SH3KBP1: variants seen among roughly 807,000 people sequenced by gnomAD.
SH3KBP1 encodes SH3 domain-containing kinase-binding protein 1.
In SH3KBP1, 8 loss-of-function variants were observed where a neutral mutation model predicts 50.1. The observed-to-expected ratio is 0.16, with a 90% CI of 0.09 to 0.29. The LOEUF (loss-of-function observed/expected upper bound fraction) is 0.29. Among genes scored for constraint, SH3KBP1 ranks in the 10% least tolerant of loss-of-function variants. The probability of loss-of-function intolerance (pLI) is 1.00; values close to 1 mark genes in which losing one functional copy is unlikely to be tolerated. For synonymous variants in SH3KBP1, 227 were observed against 218.6 expected, an observed-to-expected ratio of 1.04 and a Z score of -0.34; for missense variants, 377 against 535.2, an observed-to-expected ratio of 0.70 and a Z score of 2.92.
chrX:19,652,475 C>T (rs777327136), intron 6 of SH3KBP1, among the ~76,000 whole-genome samples: 44 of 111,037 alleles, frequency 4.0e-4, no homozygotes, highest in Non-Finnish European at 7.2e-4. Context: ...CCCACGTATG[C>T]GTACACACAC....
chrX:19,560,431 G>C (rs1397747152), intron 13 of SH3KBP1, among the ~76,000 whole-genome samples: 2 of 111,890 alleles, frequency 1.8e-5, no homozygotes, highest in African/African-American at 6.5e-5. Flanking sequence ...GAGAAACATA[G>C]ACTGTGACAC....
chrX:19,733,828 C>T (rs1180054705), intron 3 of SH3KBP1, among the ~76,000 whole-genome samples: 1 of 110,699 alleles, frequency 9.0e-6, no homozygotes, highest in African/African-American at 3.3e-5. Flanking sequence ...TAACAAATGA[C>T]GGAAGAAAAA....
At chrX:19,590,909 G>T (rs112936184) in intron 11 of SH3KBP1, among the ~76,000 whole-genome samples, 2,236 of 88,827 alleles carry the variant, frequency 0.025, 72 homozygotes, top group African/African-American at 0.09. Flanking sequence ...TGATCCTCCC[G>T]CCTCAGCCTC....
intron 12 of SH3KBP1, among the ~76,000 whole-genome samples, chrX:19,580,159 C>A: frequency 9.0e-6 from 1 of 111,476 alleles, no homozygotes; most frequent in Non-Finnish European, 1.9e-5. Context: ...AAAGCCCAAG[C>A]AAGCAGTGGG....
At chrX:19,860,759 G>C (rs1288164523) in intron 1 of SH3KBP1, among the ~76,000 whole-genome samples, 1 of 111,828 alleles carries the variant, frequency 8.9e-6, no homozygotes, top group Non-Finnish European at 1.9e-5. Flanking sequence ...GACTGCAGGA[G>C]ACTAGGAGAA....
intron 2 of SH3KBP1, among the ~76,000 whole-genome samples, chrX:19,830,323 G>C (rs1201318245): frequency 9.5e-6 from 1 of 105,318 alleles, no homozygotes. Context: ...GGTTATAGAG[G>C]TACGCACTTA....
At chrX:19,826,525 T>A (rs191459840) in intron 2 of SH3KBP1, among the ~76,000 whole-genome samples, 47 of 101,266 alleles carry the variant, frequency 4.6e-4, no homozygotes, top group East Asian at 1.8e-3. Context: ...ACAAAAAATT[T>A]AAAAAAAAAA....
chrX:19,569,232 G>C lies in SH3KBP1; in HGVS notation c.1299-44C>G, dbSNP rs746288801. 2.8e-6 allele frequency: 3 copies of C among 1,072,952 alleles called. No homozygotes were observed. In the African/African-American group the frequency reaches 5.5e-5, roughly 20 times the overall value. 88.4% of individuals were successfully genotyped at this position (1,072,952 alleles called of 1,213,427 possible). ...CCCAGACATTTAATAATTGGTGTGTGTCCTTGTCATTCTGTCAGTTTTCTT... is the reference window on the plus strand; with the variant it reads ...CCCAGACATTTAATAATTGGTGTGTCTCCTTGTCATTCTGTCAGTTTTCTT... On this transcript the variant is annotated intron_variant, in intron 12 of 17. Transcript: ENST00000397821.
At chrX:19,647,551 A>C (rs1207319683) in intron 6 of SH3KBP1, among the ~76,000 whole-genome samples, 1 of 111,943 alleles carries the variant, frequency 8.9e-6, no homozygotes, top group Non-Finnish European at 1.9e-5. Flanking sequence ...AACACAGCAC[A>C]CTGGCCTCTG....
chrX:19,560,243 T>C (rs1602471610), intron 13 of SH3KBP1, among the ~76,000 whole-genome samples: 1 of 107,551 alleles, frequency 9.3e-6, no homozygotes, highest in Admixed American at 9.9e-5. Flanking sequence ...CTAGATTAGA[T>C]CTTATAAAGG....
chrX:19,702,979 C>T (rs2063562836), intron 4 of SH3KBP1, among the ~76,000 whole-genome samples: 1 of 112,225 alleles, frequency 8.9e-6, no homozygotes, highest in African/African-American at 3.2e-5. Context: ...CACAGCACAA[C>T]CACCACTCTC....
At chrX:19,670,806 A>G in intron 6 of SH3KBP1, 1 of 1,068,573 alleles carries the variant, frequency 9.4e-7, no homozygotes, top group Non-Finnish European at 1.2e-6. Flanking sequence ...CAGATAAGAT[A>G]CAGGTTAACT....
At chrX:19,793,712 C>T (rs1260671812) in intron 2 of SH3KBP1, among the ~76,000 whole-genome samples, 7 of 111,733 alleles carry the variant, frequency 6.3e-5, no homozygotes, top group Non-Finnish European at 1.3e-4. Flanking sequence ...GTCACATTAA[C>T]CTACTTCAGA....
intron 13 of SH3KBP1, among the ~76,000 whole-genome samples, chrX:19,551,725 G>A (rs1482930028): frequency 9.2e-6 from 1 of 108,651 alleles, no homozygotes; most frequent in African/African-American, 3.4e-5. Flanking sequence ...GTTTTGACAT[G>A]TTGCCCAGGC....
At chrX:19,782,033 T>C (rs929397360) in intron 2 of SH3KBP1, among the ~76,000 whole-genome samples, 11 of 111,754 alleles carry the variant, frequency 9.8e-5, no homozygotes, top group Non-Finnish European at 1.5e-4. Flanking sequence ...AAAAGATATG[T>C]CAACATTCTA....
At chrX:19,699,465 C>T (rs1467483947) in intron 4 of SH3KBP1, among the ~76,000 whole-genome samples, 1 of 112,012 alleles carries the variant, frequency 8.9e-6, no homozygotes, top group Non-Finnish European at 1.9e-5. Flanking sequence ...CTACGACCAA[C>T]CCAGTCAGCT....
intron 13 of SH3KBP1, among the ~76,000 whole-genome samples, chrX:19,555,593 G>A (rs997600568): frequency 1.8e-5 from 2 of 112,025 alleles, no homozygotes; most frequent in African/African-American, 6.5e-5. Context: ...TAGGATATAA[G>A]TTTGCTTACA....
intron 13 of SH3KBP1, among the ~76,000 whole-genome samples, chrX:19,568,558 C>T (rs1569294100): frequency 8.9e-6 from 1 of 112,125 alleles, no homozygotes. Flanking sequence ...GCCTCACACC[C>T]ACTCACGTAC....
chrX:19,620,227 C>A (rs902133480), intron 8 of SH3KBP1, among the ~76,000 whole-genome samples: 14 of 111,864 alleles, frequency 1.3e-4, no homozygotes, highest in African/African-American at 4.6e-4. Context: ...CTAAGAGATA[C>A]AAAGAAAGCT....
Sources: gnomAD v4.1 joint callset for allele counts (sites outside exome capture counted in the v4.1 genomes callset) on GRCh38, gnomAD v4.1.1 for gene constraint, MANE v1.5 for transcripts, NCBI Gene and HGNC (gene_info 2026-07-23, HGNC 2026-07-21) for gene names.